Variants in CIMIP2B observed in about 807,000 individuals in gnomAD.
CIMIP2B encodes family with sequence similarity 166 member B.
chr9:35,562,094 C>T, the CIMIP2B span: 44 of 1,529,764 alleles, frequency 2.9e-5, no homozygotes, highest in Middle Eastern at 1.9e-3. Flanking sequence ...GGAACTTATA[C>T]CCTGTGTGGC....
At chr9:35,562,769 C>A in the CIMIP2B span, 6 of 1,609,826 alleles carry the variant, frequency 3.7e-6, 1 homozygote, top group South Asian at 6.6e-5. Context: ...AAGTGCACAT[C>A]CCCTGAACCC....
the CIMIP2B span, chr9:35,563,036 G>A: frequency 5.6e-6 from 9 of 1,614,000 alleles, no homozygotes; most frequent in Non-Finnish European, 7.6e-6. Context: ...GCCCAGACCT[G>A]GCTGCAGTTC....
the CIMIP2B span, chr9:35,562,247 T>A: frequency 9.5e-7 from 1 of 1,055,378 alleles, no homozygotes; most frequent in Non-Finnish European, 1.3e-6. Context: ...TTCTGCCTGA[T>A]AATAAAGCTG....
chr9:35,562,900 T>A, the CIMIP2B span: 11 of 1,613,980 alleles, frequency 6.8e-6, no homozygotes, highest in Non-Finnish European at 9.3e-6. Flanking sequence ...CAGTGTCGGC[T>A]CCTCCAGCTG....
At chr9:35,562,441 TGGG>T in the CIMIP2B span, 1 of 1,575,368 alleles carries the variant, frequency 6.3e-7, no homozygotes, top group South Asian at 1.2e-5. Context: ...TTCTGGGAAG[TGGG>T]GGGAGATGTT....
At chr9:35,562,702 T>C in the CIMIP2B span, 1 of 1,613,654 alleles carries the variant, frequency 6.2e-7, no homozygotes, top group African/African-American at 1.3e-5. Flanking sequence ...GGGAGAAGCC[T>C]GTGAGAGAAG....
chr9:35,562,998 C>A, the CIMIP2B span: 5 of 1,613,882 alleles, frequency 3.1e-6, no homozygotes, highest in Non-Finnish European at 4.2e-6. Flanking sequence ...GCTTTTCATG[C>A]AAGTGAGTAA....
At chr9:35,562,494 A>AT in the CIMIP2B span, 2 of 1,580,436 alleles carry the variant, frequency 1.3e-6, no homozygotes, top group Non-Finnish European at 1.7e-6. Flanking sequence ...TTCTGCCCAA[A>AT]TTCCTGCAGT....
At chr9:35,562,673 C>T in the CIMIP2B span, 6 of 1,613,626 alleles carry the variant, frequency 3.7e-6, no homozygotes, top group Non-Finnish European at 5.1e-6. Context: ...TTCCGAGGGT[C>T]CCTGTCATCC....
chr9:35,561,845 T>TATTTA, the CIMIP2B span: 1 of 627,224 alleles, frequency 1.6e-6, no homozygotes, highest in African/African-American at 1.8e-5. Context: ...TTTATGTATT[T>TATTTA]ATTTATTTAT....
At chr9:35,563,089 G>A in the CIMIP2B span, 1 of 1,613,732 alleles carries the variant, frequency 6.2e-7, no homozygotes. Context: ...ACCTGGGCAG[G>A]CAGGGACAAG....
At chr9:35,562,944 G>C in the CIMIP2B span, 1 of 1,613,926 alleles carries the variant, frequency 6.2e-7, no homozygotes, top group Non-Finnish European at 8.5e-7. Flanking sequence ...CCTTCTCTGT[G>C]TCCTTTCTTC....
At chr9:35,563,281 G>A in the CIMIP2B span, 2 of 1,614,006 alleles carry the variant, frequency 1.2e-6, no homozygotes. Context: ...GAAGTGTGCG[G>A]TGGACAGGGG....
At chr9:35,563,244 G>A in the CIMIP2B span, 1 of 1,613,924 alleles carries the variant, frequency 6.2e-7, no homozygotes, top group African/African-American at 1.3e-5. Flanking sequence ...GGAACCTCAG[G>A]AGATCTTGGA....
the CIMIP2B span, chr9:35,563,016 C>T: frequency 6.2e-7 from 1 of 1,614,020 alleles, no homozygotes; most frequent in Non-Finnish European, 8.5e-7. Flanking sequence ...TAAAGTCACT[C>T]AGAGCCTCGG....
chr9:35,563,748 C>T, the CIMIP2B span: 14 of 1,609,982 alleles, frequency 8.7e-6, no homozygotes, highest in African/African-American at 6.7e-5. Context: ...AAGCGGGGAG[C>T]GCTAAGTGGG....
chr9:35,563,177 G>C, the CIMIP2B span: 6 of 1,613,912 alleles, frequency 3.7e-6, no homozygotes, highest in African/African-American at 1.3e-5. Flanking sequence ...TGTGTACCCA[G>C]GGATCATGCT....
chr9:35,563,638 C>T, the CIMIP2B span: 6 of 837,938 alleles, frequency 7.2e-6, no homozygotes, highest in East Asian at 7.9e-5. Flanking sequence ...CTTTTCCATC[C>T]ACCACCATAG....
At chr9:35,563,175 C>CA in the CIMIP2B span, 1 of 1,614,008 alleles carries the variant, frequency 6.2e-7, no homozygotes, top group Non-Finnish European at 8.5e-7. Context: ...CCTGTGTACC[C>CA]AGGGATCATG....
Sources: allele counts gnomAD v4.1 joint callset, GRCh38; gene constraint gnomAD v4.1.1; transcripts MANE v1.5; gene names NCBI Gene and HGNC (gene_info 2026-07-23, HGNC 2026-07-21).